The following WDR70 variants were observed in gnomAD, a reference collection of about 807,000 sequenced individuals.
WDR70 encodes the protein WD repeat-containing protein 70.
Under a neutral mutation model 88.6 loss-of-function variants are expected in WDR70, and 53 were observed. The observed-to-expected ratio is 0.60, with a 90% CI of 0.48 to 0.75. The LOEUF is 0.75. WDR70 is among the 30% of genes least tolerant of loss of function. The pLI is 0.00. For synonymous variants in WDR70, 280 were observed against 270.0 expected (o/e 1.04, Z -0.36); for missense variants, 610 against 823.2 (o/e 0.74, Z 3.17).
chr5:37,722,786 T>A (rs1747860546), intron 14 of WDR70, 69 bp from the exon 15 acceptor site: 1 of 1,456,466 alleles, frequency 6.9e-7, no homozygotes, highest in Non-Finnish European at 9.6e-7. Context: ...AAGTATCTCA[T>A]GTTTTCAACA....
At chr5:37,437,458 C>T (rs972414825) in intron 5 of WDR70, among the ~76,000 whole-genome samples, 2 of 152,022 alleles carry the variant, frequency 1.3e-5, no homozygotes, top group Non-Finnish European at 2.9e-5. Flanking sequence ...TTATTTTATA[C>T]ATAGGTTACA....
intron 10 of WDR70, among the ~76,000 whole-genome samples, chr5:37,651,245 G>A (rs1379829430): frequency 6.6e-6 from 1 of 152,072 alleles, no homozygotes; most frequent in Non-Finnish European, 1.5e-5. Context: ...ACTTTGCTGA[G>A]AATGATGGTT....
chr5:37,518,680 C>CT (rs35818980), intron 9 of WDR70, among the ~76,000 whole-genome samples: 2,869 of 123,678 alleles, frequency 0.023, 68 homozygotes, highest in African/African-American at 0.057. Flanking sequence ...GCACAGATAT[C>CT]TTTTTTTTTT....
Position 37,466,094 on chromosome 5 carries a change from G to A in WDR70, c.687-13740G>A, listed in dbSNP as rs1369296195. On this transcript the variant is annotated intron_variant, in intron 7 of 17. Transcript: ENST00000265107. ...ACCATTTTGGAGCATGGTGAATAACGAATTTTTACCTTAGGAGTTCACTTG... is the reference window on the plus strand; with the variant it reads ...ACCATTTTGGAGCATGGTGAATAACAAATTTTTACCTTAGGAGTTCACTTG... 5.3e-5 allele frequency among the ~76,000 whole-genome samples: 8 copies of A among 152,094 alleles called. No homozygotes were observed. In the East Asian group the frequency reaches 5.8e-4, roughly 11 times the overall value.
intron 9 of WDR70, among the ~76,000 whole-genome samples, chr5:37,519,274 G>A (rs1189716792): frequency 2.0e-5 from 3 of 150,942 alleles, no homozygotes; most frequent in Admixed American, 1.3e-4. Flanking sequence ...AGACGGGGTG[G>A]CTGGGCAGAG....
chr5:37,435,508 G>T (rs1750440391), intron 5 of WDR70, among the ~76,000 whole-genome samples: 1 of 152,114 alleles, frequency 6.6e-6, no homozygotes, highest in Non-Finnish European at 1.5e-5. Flanking sequence ...AAAGAGGTAT[G>T]TGCAGCACTT....
chr5:37,716,818 A>C (rs1747667376), intron 13 of WDR70, among the ~76,000 whole-genome samples: 1 of 152,146 alleles, frequency 6.6e-6, no homozygotes. Flanking sequence ...TAAACAAAAT[A>C]ACCACAGAAA....
At chr5:37,479,623 G>A in intron 7 of WDR70, 1 of 444,862 alleles carries the variant, frequency 2.2e-6, no homozygotes, top group Admixed American at 3.6e-5. Context: ...CATCTGCCTT[G>A]GCCTCCCAAA....
At chr5:37,619,760 T>C (rs1744453608) in intron 10 of WDR70, among the ~76,000 whole-genome samples, 1 of 151,958 alleles carries the variant, frequency 6.6e-6, no homozygotes, top group Non-Finnish European at 1.5e-5. Context: ...TGTTTTGTTT[T>C]GTTTTTTCTT....
intron 3 of WDR70, 36 bp from the exon 4 acceptor site, chr5:37,391,964 G>T: frequency 6.3e-7 from 1 of 1,578,430 alleles, no homozygotes; most frequent in South Asian, 1.2e-5. Flanking sequence ...TGTAACCGTT[G>T]GGATTTTTTT....
At chr5:37,605,989 C>A (rs1744021403) in intron 10 of WDR70, among the ~76,000 whole-genome samples, 1 of 152,084 alleles carries the variant, frequency 6.6e-6, no homozygotes, top group Non-Finnish European at 1.5e-5. Flanking sequence ...AAGTTTCTGG[C>A]CACATTATTA....
intron 5 of WDR70, among the ~76,000 whole-genome samples, chr5:37,400,639 T>C (rs6898035): frequency 0.096 from 14,547 of 152,166 alleles, 2,275 homozygotes; most frequent in African/African-American, 0.33. Context: ...TTTGTCCATA[T>C]TTTGATTGTG....
At chr5:37,663,178 A>G (rs1429027161) in intron 10 of WDR70, among the ~76,000 whole-genome samples, 3 of 152,214 alleles carry the variant, frequency 2.0e-5, no homozygotes, top group African/African-American at 7.2e-5. Context: ...GATTTTAAAA[A>G]GGGAAAATGG....
At chr5:37,465,975 ATTTC>A (rs1057424215) in intron 7 of WDR70, among the ~76,000 whole-genome samples, 8 of 151,490 alleles carry the variant, frequency 5.3e-5, no homozygotes, top group African/African-American at 1.9e-4. Context: ...TTATTTTGGG[ATTTC>A]TTTTTTAAGA....
chr5:37,686,499 G>A lies in WDR70; in HGVS notation c.1093-11156G>A, dbSNP rs1039611102. The stretch of plus-strand genomic sequence containing the variant: ...AGTTGTTGCCAGTTAGAGCCTAGGC[G>A]GGAAGATCGCTTGAGCCCAGGAGTT... On this transcript the variant is annotated intron_variant, in intron 10 of 17. Transcript: ENST00000265107. Among the ~76,000 whole-genome samples the A allele has an allele frequency of 6.0e-5, 9 of 151,050 alleles. No individual in the cohort carries two copies. In the East Asian group the frequency reaches 1.2e-3, roughly 20 times the overall value.
At chr5:37,486,237 A>G (rs1739864381) in intron 8 of WDR70, among the ~76,000 whole-genome samples, 1 of 152,028 alleles carries the variant, frequency 6.6e-6, no homozygotes, top group Non-Finnish European at 1.5e-5. Context: ...TCTATGTTAA[A>G]CCCTAGTGAA....
At chr5:37,487,617 A>ATTTTTTTT (rs1561871934) in intron 8 of WDR70, among the ~76,000 whole-genome samples, 1 of 43,756 alleles carries the variant, frequency 2.3e-5, no homozygotes, top group African/African-American at 4.9e-5. Flanking sequence ...ATATATATAT[A>ATTTTTTTT]TATATATGTA....
At chr5:37,414,159 A>G (rs1057294158) in intron 5 of WDR70, among the ~76,000 whole-genome samples, 5 of 151,518 alleles carry the variant, frequency 3.3e-5, no homozygotes, top group South Asian at 2.1e-4. Context: ...AAAAAAAAAA[A>G]AAAAGAAAAT....
intron 9 of WDR70, among the ~76,000 whole-genome samples, chr5:37,548,560 A>C (rs1742057646): frequency 6.6e-6 from 1 of 152,114 alleles, no homozygotes; most frequent in Non-Finnish European, 1.5e-5. Flanking sequence ...CCAGATGGGT[A>C]GTTTGCAAGT....
Sources: allele counts gnomAD v4.1 joint callset (sites outside exome capture counted in the v4.1 genomes callset), GRCh38; gene constraint gnomAD v4.1.1; transcripts MANE v1.5; gene names NCBI Gene and HGNC (gene_info 2026-07-23, HGNC 2026-07-21).